SUMF1: variants seen among roughly 807,000 people sequenced by gnomAD.
SUMF1 encodes formylglycine-generating enzyme.
In SUMF1, 48 loss-of-function variants were observed where a neutral mutation model predicts 47.6. That is an observed-to-expected ratio of 1.01 (90% CI 0.80 to 1.28). The LOEUF (loss-of-function observed/expected upper bound fraction) is 1.28. SUMF1 is among the 50% of genes most tolerant of loss of function. SUMF1 has a pLI of 0.00. For synonymous variants in SUMF1, 230 were observed against 192.1 expected (o/e 1.20, Z -1.63); for missense variants, 571 against 485.4 (o/e 1.18, Z -1.66).
At chr3:4,212,116 C>A (rs561860338) in intron 8 of SUMF1, among the ~76,000 whole-genome samples, 6 of 152,140 alleles carry the variant, frequency 3.9e-5, no homozygotes, top group Non-Finnish European at 7.4e-5. Context: ...GGTCCCTGAC[C>A]GCCGTGTATC....
At chr3:4,419,815 G>A (rs912897700) in intron 4 of SUMF1, among the ~76,000 whole-genome samples, 2 of 152,326 alleles carry the variant, frequency 1.3e-5, no homozygotes, top group African/African-American at 2.4e-5. Context: ...ACTGGGAAGA[G>A]GCAACTCTTT....
chr3:4,362,346 G>A, intron 8 of SUMF1, 92 bp from the exon 9 acceptor site: 2 of 1,052,746 alleles, frequency 1.9e-6, no homozygotes, highest in Non-Finnish European at 2.9e-6. Context: ...GCTGTAGACA[G>A]TGCTTCCCCA....
chr3:4,092,360 G>A (rs1158739919), intron 8 of SUMF1, among the ~76,000 whole-genome samples: 2 of 152,092 alleles, frequency 1.3e-5, no homozygotes, highest in South Asian at 4.2e-4. Flanking sequence ...GCAAGTAGCA[G>A]CACAAGCATC....
chr3:4,465,980 G>A (rs895146149), intron 1 of SUMF1, among the ~76,000 whole-genome samples: 26 of 152,208 alleles, frequency 1.7e-4, no homozygotes, highest in African/African-American at 5.3e-4. Context: ...AAAGGATAGT[G>A]TCTGCTAAGT....
At chr3:4,454,875 C>T (rs1703102348) in intron 1 of SUMF1, among the ~76,000 whole-genome samples, 3 of 152,038 alleles carry the variant, frequency 2.0e-5, no homozygotes, top group Admixed American at 2.0e-4. Context: ...ATAGGCAAAT[C>T]CAAAGAGACA....
rs138339635 is a variant in SUMF1, at chr3:4,290,522, C to G, written c.1014+85808G>C. Among the ~76,000 whole-genome samples, 17 of 152,248 alleles carry G rather than the reference C, an allele frequency of 1.1e-4. No individual in the cohort carries two copies. In the East Asian group the frequency reaches 2.3e-3, roughly 21 times the overall value. On this transcript the variant is annotated intron_variant and NMD_transcript_variant, in intron 8 of 12. Coordinates refer to the SUMF1 transcript ENST00000448413. ...ACAGAGCCAAAGCACATTTTAAGAA[C>G]GAGAAGGTAACATGGAACATCAGCT...
chr3:4,300,957 C>A (rs1697949758), intron 8 of SUMF1, among the ~76,000 whole-genome samples: 1 of 152,100 alleles, frequency 6.6e-6, no homozygotes, highest in South Asian at 2.1e-4. Flanking sequence ...GTACCAAAAT[C>A]ATTTAAGTTA....
chr3:4,266,433 A>G (rs1043859196), intron 8 of SUMF1, among the ~76,000 whole-genome samples: 11 of 152,220 alleles, frequency 7.2e-5, no homozygotes, highest in Admixed American at 7.2e-4. Flanking sequence ...TTCTCCTTGA[A>G]GAGGTCCTTC....
intron 8 of SUMF1, among the ~76,000 whole-genome samples, chr3:4,297,981 T>A (rs982560079): frequency 1.3e-5 from 2 of 152,212 alleles, no homozygotes; most frequent in African/African-American, 4.8e-5. Flanking sequence ...TACCTCATAA[T>A]TTAGCCAAGG....
intron 9 of SUMF1, among the ~76,000 whole-genome samples, chr3:4,056,569 G>A (rs552853259): frequency 3.3e-5 from 5 of 151,966 alleles, no homozygotes; most frequent in African/African-American, 1.2e-4. Flanking sequence ...GAGGTGGGAG[G>A]ATCGCTTGAG....
chr3:4,184,246 A>G (rs1695154689), intron 8 of SUMF1, among the ~76,000 whole-genome samples: 2 of 152,088 alleles, frequency 1.3e-5, no homozygotes, highest in Non-Finnish European at 2.9e-5. Flanking sequence ...ACTTGAGGTC[A>G]AGAATCTGAG....
chr3:4,102,076 T>C (rs1693046672), intron 8 of SUMF1, among the ~76,000 whole-genome samples: 1 of 152,172 alleles, frequency 6.6e-6, no homozygotes, highest in Non-Finnish European at 1.5e-5. Context: ...ACTGCCTCCA[T>C]GACTCAATTA....
At chr3:4,067,121 AG>A (rs1695397317) in intron 9 of SUMF1, among the ~76,000 whole-genome samples, 1 of 152,184 alleles carries the variant, frequency 6.6e-6, no homozygotes, top group South Asian at 2.1e-4. Flanking sequence ...GGCCAGAGGC[AG>A]CTTCAGCTTC....
At chr3:4,034,653 G>A (rs1694759889) in intron 9 of SUMF1, among the ~76,000 whole-genome samples, 1 of 152,064 alleles carries the variant, frequency 6.6e-6, no homozygotes, top group Admixed American at 6.5e-5. Flanking sequence ...GGTAAGTCAG[G>A]AGGCATCAGC....
At chr3:4,392,031 T>G (rs937829975) in intron 7 of SUMF1, among the ~76,000 whole-genome samples, 1 of 152,018 alleles carries the variant, frequency 6.6e-6, no homozygotes, top group Admixed American at 6.6e-5. Flanking sequence ...TTTCTCCATG[T>G]TACCAGGGTT....
intron 7 of SUMF1, among the ~76,000 whole-genome samples, chr3:4,385,557 T>C (rs1575160367): frequency 6.6e-6 from 1 of 152,190 alleles, no homozygotes; most frequent in East Asian, 1.9e-4. Flanking sequence ...TTGCGAATAT[T>C]TTCTCCCACT....
At chr3:4,409,461 C>T (rs1295054880) in intron 7 of SUMF1, among the ~76,000 whole-genome samples, 1 of 152,270 alleles carries the variant, frequency 6.6e-6, no homozygotes, top group East Asian at 1.9e-4. Flanking sequence ...AAACTGAAAG[C>T]TAACAAGCGC....
chr3:4,409,993 G>A (rs1177483544), intron 7 of SUMF1, among the ~76,000 whole-genome samples: 1 of 152,142 alleles, frequency 6.6e-6, no homozygotes, highest in Non-Finnish European at 1.5e-5. Flanking sequence ...TTTTCAAAAA[G>A]TTCAGGTTTA....
intron 8 of SUMF1, among the ~76,000 whole-genome samples, chr3:4,138,237 T>C (rs1693990666): frequency 6.6e-6 from 1 of 152,138 alleles, no homozygotes; most frequent in Admixed American, 6.6e-5. Context: ...ATCTACAGTT[T>C]CAACATAAAT....
Sources: gnomAD v4.1 joint callset for allele counts (sites outside exome capture counted in the v4.1 genomes callset) on GRCh38, gnomAD v4.1.1 for gene constraint, MANE v1.5 for transcripts, NCBI Gene and HGNC (gene_info 2026-07-23, HGNC 2026-07-21) for gene names.